PDE4B: variants seen among roughly 807,000 people sequenced by gnomAD.
PDE4B encodes the protein 3',5'-cyclic-AMP phosphodiesterase 4B.
A neutral mutation model predicts 82.2 loss-of-function variants in PDE4B; 20 were observed. The observed-to-expected ratio is 0.24, with a 90% CI of 0.17 to 0.35. The LOEUF is 0.35. PDE4B is among the 10% of genes least tolerant of loss of function. The pLI, the probability that PDE4B is intolerant of heterozygous loss-of-function variation, is 1.00. For missense variants in PDE4B, 655 were observed against 907.2 expected, an observed-to-expected ratio of 0.72 and a Z score of 3.57; for synonymous variants, 320 against 318.9, an observed-to-expected ratio of 1.00 and a Z score of -0.04.
intron 8 of PDE4B, among the ~76,000 whole-genome samples, chr1:66,345,596 G>A (rs1017359920): frequency 1.1e-4 from 16 of 152,186 alleles, no homozygotes; most frequent in African/African-American, 3.9e-4. Flanking sequence ...CACATGGTAG[G>A]CATTAGAATA....
chr1:65,972,827 A>G (rs991832001), intron 3 of PDE4B, among the ~76,000 whole-genome samples: 5 of 152,176 alleles, frequency 3.3e-5, no homozygotes, highest in African/African-American at 9.7e-5. Context: ...AAGAGAGGAG[A>G]AAATATACTC....
intron 7 of PDE4B, among the ~76,000 whole-genome samples, chr1:66,270,400 G>A (rs772093834): frequency 4.6e-5 from 7 of 152,206 alleles, no homozygotes; most frequent in Non-Finnish European, 8.8e-5. Flanking sequence ...GGTTCATGTG[G>A]GTGTACCAGA....
chr1:65,843,881 C>T (rs1354222237), intron 1 of PDE4B, among the ~76,000 whole-genome samples: 2 of 152,046 alleles, frequency 1.3e-5, no homozygotes, highest in Non-Finnish European at 2.9e-5. Flanking sequence ...GAATATTACT[C>T]GCCTGTTTCC....
At chr1:65,956,827 G>A (rs1261208548) in intron 3 of PDE4B, among the ~76,000 whole-genome samples, 3 of 152,016 alleles carry the variant, frequency 2.0e-5, no homozygotes, top group African/African-American at 7.2e-5. Context: ...ACTTTACCAG[G>A]AAACAACAAA....
At chr1:65,938,537 T>A (rs912542530) in intron 3 of PDE4B, among the ~76,000 whole-genome samples, 25 of 152,296 alleles carry the variant, frequency 1.6e-4, no homozygotes, top group African/African-American at 5.8e-4. Flanking sequence ...GACACAGGGC[T>A]AAGAACTGAA....
chr1:66,329,183 A>G (rs183711775), intron 7 of PDE4B, among the ~76,000 whole-genome samples: 28 of 152,300 alleles, frequency 1.8e-4, no homozygotes, highest in African/African-American at 6.5e-4. Flanking sequence ...ACCTCAAGGT[A>G]TCCCAGTGCC....
At chr1:66,104,999 C>T (rs1271225767) in intron 3 of PDE4B, among the ~76,000 whole-genome samples, 1 of 151,940 alleles carries the variant, frequency 6.6e-6, no homozygotes, top group African/African-American at 2.4e-5. Context: ...GTGTTTTAGA[C>T]ATGAAGTCCT....
intron 3 of PDE4B, among the ~76,000 whole-genome samples, chr1:66,053,660 A>G (rs1570102277): frequency 6.6e-6 from 1 of 152,150 alleles, no homozygotes; most frequent in South Asian, 2.1e-4. Context: ...GGAGTTTGAG[A>G]TCAGCCTGAC....
chr1:66,327,420 TCTGA>T (rs1659819460), intron 7 of PDE4B, among the ~76,000 whole-genome samples: 1 of 152,220 alleles, frequency 6.6e-6, no homozygotes, highest in African/African-American at 2.4e-5. Context: ...AATGGTGATC[TCTGA>T]CTGCTAAAAA....
intron 3 of PDE4B, among the ~76,000 whole-genome samples, chr1:65,997,744 A>G (rs898607721): frequency 6.6e-6 from 1 of 152,242 alleles, no homozygotes; most frequent in Non-Finnish European, 1.5e-5. Context: ...CTTAGGAGAC[A>G]CAAAATGAGA....
chr1:66,005,708 A>G (rs1236776048), intron 3 of PDE4B, among the ~76,000 whole-genome samples: 1 of 152,196 alleles, frequency 6.6e-6, no homozygotes, highest in African/African-American at 2.4e-5. Flanking sequence ...TAAAAATAAG[A>G]CTTAGGAACC....
chr1:65,821,278 A>G (rs921976554), intron 1 of PDE4B, among the ~76,000 whole-genome samples: 3 of 152,254 alleles, frequency 2.0e-5, no homozygotes, highest in African/African-American at 7.2e-5. Context: ...AGTAATTGCC[A>G]TAGCAACAGT....
chr1:66,277,902 A>G (rs1656006288), intron 7 of PDE4B, among the ~76,000 whole-genome samples: 2 of 152,236 alleles, frequency 1.3e-5, no homozygotes, highest in South Asian at 2.1e-4. Context: ...GTATGATTGT[A>G]GAGAAGTAAT....
intron 3 of PDE4B, among the ~76,000 whole-genome samples, chr1:66,087,919 G>A (rs536755174): frequency 5.0e-4 from 76 of 151,330 alleles, no homozygotes; most frequent in African/African-American, 8.5e-4. Context: ...CCTAATGCTA[G>A]ATGACGAGTT....
intron 3 of PDE4B, among the ~76,000 whole-genome samples, chr1:65,988,244 G>C (rs1203875945): frequency 6.6e-6 from 1 of 152,210 alleles, no homozygotes; most frequent in Non-Finnish European, 1.5e-5. Context: ...TTTTCTAAGA[G>C]AGCTAGATAA....
intron 1 of PDE4B, among the ~76,000 whole-genome samples, chr1:65,810,039 A>G (rs1287848370): frequency 6.6e-6 from 1 of 152,238 alleles, no homozygotes; most frequent in Non-Finnish European, 1.5e-5. Flanking sequence ...AGCCTAGATA[A>G]GCCACAGTGA....
At chr1:65,983,213 T>G (rs979897626) in intron 3 of PDE4B, among the ~76,000 whole-genome samples, 4 of 152,220 alleles carry the variant, frequency 2.6e-5, no homozygotes, top group Admixed American at 6.5e-5. Context: ...GGTTTCCAGA[T>G]GGAGAAGAAC....
chr1:65,874,983 C>T (rs1475925863), intron 1 of PDE4B, among the ~76,000 whole-genome samples: 1 of 150,922 alleles, frequency 6.6e-6, no homozygotes, highest in Non-Finnish European at 1.5e-5. Flanking sequence ...TTCTGCACAG[C>T]AAAAGAAACT....
intron 3 of PDE4B, among the ~76,000 whole-genome samples, chr1:65,983,923 G>A (rs1650821732): frequency 6.6e-6 from 1 of 152,190 alleles, no homozygotes; most frequent in African/African-American, 2.4e-5. Context: ...GAAGAGAAAA[G>A]TATTAAAGAA....
Sources: gnomAD v4.1 joint callset for allele counts (sites outside exome capture counted in the v4.1 genomes callset) on GRCh38, gnomAD v4.1.1 for gene constraint, MANE v1.5 for transcripts, NCBI Gene and HGNC (gene_info 2026-07-23, HGNC 2026-07-21) for gene names.